Variants in DENND4A observed in about 807,000 individuals in gnomAD.
The protein encoded by DENND4A is C-myc promoter-binding protein.
Under a neutral mutation model 199.3 loss-of-function variants are expected in DENND4A, and 70 were observed. The observed-to-expected ratio is 0.35, with a 90% CI of 0.29 to 0.43. The LOEUF is 0.43. Ranked by LOEUF, DENND4A falls within the 20% of genes least tolerant of loss-of-function variation. The pLI, the probability that DENND4A is intolerant of heterozygous loss-of-function variation, is 1.00. For missense variants in DENND4A, 1,723 were observed against 2,255.8 expected (o/e 0.76, Z 4.78); for synonymous variants, 686 against 766.9 (o/e 0.89, Z 1.74).
At chr15:65,736,303 T>C (rs563986329) in intron 7 of DENND4A, among the ~76,000 whole-genome samples, 1 of 152,168 alleles carries the variant, frequency 6.6e-6, no homozygotes, top group African/African-American at 2.4e-5. Flanking sequence ...CTGTCGCCCA[T>C]ACTGGAGTGC....
chr15:65,702,572 G>A, intron 16 of DENND4A, 61 bp from the exon 17 acceptor site: 1 of 1,339,734 alleles, frequency 7.5e-7, no homozygotes, highest in Non-Finnish European at 1.0e-6. Flanking sequence ...TTATTTAACT[G>A]AGTGCTAAAC....
Position 65,741,731 on chromosome 15 carries a change from A to C in DENND4A, c.615T>G (p.Thr205=), listed in dbSNP as rs61751117. 43,922 of 1,612,382 alleles carry C rather than the reference A, an allele frequency of 0.027. 758 individuals are homozygous for C. Among genetic ancestry groups the C allele is most frequent in the Non-Finnish European group, 0.029 (34,538 of 1,178,954 alleles). The change falls in exon 5 of 33, where the codon ACT becomes ACG. Residue 205 remains threonine (T), a synonymous_variant. Coordinates refer to ENST00000443035, the MANE Select transcript of DENND4A (RefSeq NM_001320835.1). ...CYKKSVAKTN[T]VSYKAGLICR... ...TACACTTACCAGCTTTGTAAGATACAGTGTTCGTCTTTGCCACCGATTTTT... is the reference window on the plus strand; with the variant it reads ...TACACTTACCAGCTTTGTAAGATACCGTGTTCGTCTTTGCCACCGATTTTT...
At chr15:65,769,925 C>T (rs1225385445) in intron 1 of DENND4A, among the ~76,000 whole-genome samples, 1 of 151,700 alleles carries the variant, frequency 6.6e-6, no homozygotes, top group African/African-American at 2.4e-5. Flanking sequence ...TATACAGGCA[C>T]CAAAAACTTC....
intron 7 of DENND4A, among the ~76,000 whole-genome samples, chr15:65,735,463 T>C (rs937922380): frequency 1.3e-5 from 2 of 152,210 alleles, no homozygotes; most frequent in Admixed American, 1.3e-4. Flanking sequence ...ACATTTGCAC[T>C]GACAGTGCAA....
In DENND4A at chr15:65,690,557, G is replaced by A. The variant is rs1003567906; in HGVS notation, c.4037C>T (p.Ser1346Leu). 4 of 1,613,676 alleles carry A rather than the reference G, an allele frequency of 2.5e-6. No homozygotes were observed. The East Asian group carries it at 6.7e-5, about 27-fold the overall frequency. ...TGTATCTAAGTTAAATGAAGGTGAT[G>A]AGTGGGTTAATGTATCCTGAGATTC... ...REESQDTLTHSSPSFNLDTLL... is the reference protein window; with the variant it reads ...REESQDTLTHLSPSFNLDTLL... Residue 1346 changes from serine to leucine, a missense_variant, in exon 23 of 33, where the codon TCA becomes TTA. By Grantham distance (145) the Ser-to-Leu change is moderately radical. Transcript: ENST00000443035.
At chr15:65,739,531 T>C (rs2140459494) in intron 5 of DENND4A, among the ~76,000 whole-genome samples, 1 of 152,330 alleles carries the variant, frequency 6.6e-6, no homozygotes, top group Admixed American at 6.5e-5. Context: ...ACCTTGTACC[T>C]CATTTTGTGG....
chr15:65,680,672 A>G (rs537842232), intron 23 of DENND4A: 1 of 152,314 alleles, frequency 6.6e-6, no homozygotes, highest in South Asian at 2.1e-4. Flanking sequence ...AGTGCCTTCA[A>G]TGAAGGCACT....
In DENND4A at chr15:65,659,350, T is replaced by TTTTTTTA. The variant is rs1158901929; in HGVS notation, c.*2500_*2501insTAAAAAA. On this transcript the variant is annotated 3_prime_UTR_variant, in exon 33 of 33. Transcript: ENST00000443035. Reference sequence around the variant, plus strand: ...TTTTTTTTTTTTTTTTTTTTTTTTTTTGAGACAGGGTCTTGCTCTGTAATC... The same window carrying TTTTTTTA: ...TTTTTTTTTTTTTTTTTTTTTTTTTTTTTTTTATGAGACAGGGTCTTGCTCTGTAATC... 1 of 137,302 alleles carries TTTTTTTA rather than the reference T, an allele frequency of 7.3e-6. No individual in the cohort carries two copies. The allele number at this position is 137,302 out of a possible 1,614,324, so 8.5% of individuals were successfully genotyped here.
intron 25 of DENND4A, among the ~76,000 whole-genome samples, chr15:65,671,049 A>G (rs1292000000): frequency 6.6e-6 from 1 of 152,228 alleles, no homozygotes; most frequent in East Asian, 1.9e-4. Context: ...AAACTGACAC[A>G]AAGAATGAAA....
intron 24 of DENND4A, among the ~76,000 whole-genome samples, chr15:65,673,810 T>C (rs192494284): frequency 1.3e-5 from 2 of 152,300 alleles, no homozygotes; most frequent in East Asian, 3.9e-4. Flanking sequence ...ATCCCTCTGC[T>C]ACAGCTAGTT....
intron 4 of DENND4A, among the ~76,000 whole-genome samples, chr15:65,745,732 A>G (rs1181068701): frequency 6.6e-6 from 1 of 152,208 alleles, no homozygotes; most frequent in Non-Finnish European, 1.5e-5. Flanking sequence ...CTATATGACC[A>G]TTTGGATATA....
chr15:65,745,403 T>C (rs1015370095), intron 4 of DENND4A, among the ~76,000 whole-genome samples: 3 of 152,220 alleles, frequency 2.0e-5, no homozygotes, highest in African/African-American at 7.2e-5. Flanking sequence ...TATGTTGAGA[T>C]TGTAGCCTTG....
chr15:65,759,665 G>C (rs1328844926), intron 2 of DENND4A, among the ~76,000 whole-genome samples: 2 of 152,080 alleles, frequency 1.3e-5, no homozygotes, highest in Non-Finnish European at 2.9e-5. Context: ...AATCTGTTCT[G>C]AGAAGACTGT....
intron 11 of DENND4A, among the ~76,000 whole-genome samples, chr15:65,728,730 C>T (rs1042083714): frequency 1.3e-5 from 2 of 152,042 alleles, no homozygotes; most frequent in Admixed American, 1.3e-4. Flanking sequence ...CTCAGGTGAT[C>T]CGACCACCTT....
In DENND4A at chr15:65,757,705, G is replaced by A. The variant is rs143688943; in HGVS notation, c.-22-1233C>T. The stretch of plus-strand genomic sequence containing the variant: ...TAATAAAAGCGCTCTCAGGTTGGCC[G>A]AGCGCGGTGGCTCACGCCTGTAATC... On this transcript the variant is annotated intron_variant, in intron 2 of 32. Transcript: ENST00000443035. 5.1e-3 allele frequency among the ~76,000 whole-genome samples: 776 copies of A among 152,144 alleles called. 3 individuals carry two copies. Among genetic ancestry groups the A allele is most frequent in the Non-Finnish European group, 8.7e-3 (589 of 67,990 alleles).
At chr15:65,708,460 A>G (rs770272416) in intron 14 of DENND4A, among the ~76,000 whole-genome samples, 1 of 152,180 alleles carries the variant, frequency 6.6e-6, no homozygotes, top group African/African-American at 2.4e-5. Context: ...AGTCTATACA[A>G]ATATTAAAAT....
chr15:65,667,877 T>C, intron 28 of DENND4A, 48 bp downstream of exon 28: 1 of 1,570,118 alleles, frequency 6.4e-7, no homozygotes. Context: ...AACAAAATCA[T>C]ACGTAAGTGA....
chr15:65,716,287 C>T (rs543745680), intron 13 of DENND4A, among the ~76,000 whole-genome samples: 2 of 151,212 alleles, frequency 1.3e-5, no homozygotes, highest in Non-Finnish European at 2.9e-5. Flanking sequence ...GGTACATGTG[C>T]ACAATGTGCA....
chr15:65,729,782 T>C (rs942079849), intron 9 of DENND4A, 104 bp from the exon 10 acceptor site: 1 of 1,035,938 alleles, frequency 9.7e-7, no homozygotes, highest in African/African-American at 1.6e-5. Flanking sequence ...ATTTGTATTA[T>C]ATATGTTGAT....
Sources: allele counts gnomAD v4.1 joint callset (sites outside exome capture counted in the v4.1 genomes callset), GRCh38; gene constraint gnomAD v4.1.1; transcripts MANE v1.5; gene names NCBI Gene and HGNC (gene_info 2026-07-23, HGNC 2026-07-21).